CLVS1: variants seen among roughly 807,000 people sequenced by gnomAD.
CLVS1 encodes clavesin-1.
In CLVS1, 10 loss-of-function variants were observed where a neutral mutation model predicts 33.1. The ratio of observed to expected loss-of-function variants is 0.30; its 90% confidence interval spans 0.19 to 0.51. The LOEUF (loss-of-function observed/expected upper bound fraction) is 0.51. CLVS1 is among the 20% of genes least tolerant of loss of function. The pLI is 0.97. For missense variants in CLVS1, 343 were observed against 433.4 expected (o/e 0.79, Z 1.85); for synonymous variants, 163 against 166.1 (o/e 0.98, Z 0.14).
the CLVS1 span, among the ~76,000 whole-genome samples, chr8:61,031,565 C>T: frequency 5.9e-5 from 9 of 152,206 alleles, no homozygotes; most frequent in Non-Finnish European, 1.0e-4. Flanking sequence ...AGAAAAGCAT[C>T]GTTTTATTCC....
intron 2 of CLVS1, among the ~76,000 whole-genome samples, chr8:61,344,982 G>C (rs1412718204): frequency 6.6e-6 from 1 of 152,130 alleles, no homozygotes; most frequent in South Asian, 2.1e-4. Context: ...GTGACCTACT[G>C]TGTTACCAAA....
At chr8:61,366,895 A>G (rs944831461) in intron 2 of CLVS1, among the ~76,000 whole-genome samples, 4 of 152,174 alleles carry the variant, frequency 2.6e-5, no homozygotes, top group Non-Finnish European at 5.9e-5. Flanking sequence ...CAGCCCTGAT[A>G]TCAAGTAATG....
intron 2 of CLVS1, among the ~76,000 whole-genome samples, chr8:61,228,489 C>T (rs951553662): frequency 5.9e-5 from 9 of 152,164 alleles, no homozygotes; most frequent in African/African-American, 1.9e-4. Context: ...GCCTAGCTTA[C>T]CTTAAACATG....
At chr8:61,017,844 G>T in the CLVS1 span, among the ~76,000 whole-genome samples, 1 of 152,178 alleles carries the variant, frequency 6.6e-6, no homozygotes, top group African/African-American at 2.4e-5. Flanking sequence ...TTGATCACCT[G>T]GTTGAATGCC....
intron 3 of CLVS1, among the ~76,000 whole-genome samples, chr8:61,449,936 G>A (rs1241721691): frequency 6.6e-6 from 1 of 152,182 alleles, no homozygotes; most frequent in Admixed American, 6.5e-5. Flanking sequence ...TTTGCACAAG[G>A]AGGAAATTAA....
intron 5 of CLVS1, among the ~76,000 whole-genome samples, chr8:61,461,452 T>C (rs1049823601): frequency 5.9e-5 from 9 of 152,216 alleles, no homozygotes; most frequent in Admixed American, 6.5e-5. Context: ...CAAACTAGAT[T>C]GTGTTCAGAC....
At chr8:61,372,378 T>C (rs1813476538) in intron 2 of CLVS1, among the ~76,000 whole-genome samples, 1 of 152,192 alleles carries the variant, frequency 6.6e-6, no homozygotes, top group Admixed American at 6.5e-5. Flanking sequence ...TGGCAGATTA[T>C]AAACTCTAGA....
intron 2 of CLVS1, chr8:61,203,360 C>T (rs1182034576): frequency 1.9e-5 from 11 of 573,290 alleles, no homozygotes; most frequent in Non-Finnish European, 3.2e-5. Context: ...TGTCCAGGTT[C>T]TATTGCCAAG....
intron 3 of CLVS1, among the ~76,000 whole-genome samples, chr8:61,416,301 GCTAGATACATAC>G (rs1296809639): frequency 0.025 from 3,362 of 137,060 alleles, 91 homozygotes; most frequent in African/African-American, 0.09. Flanking sequence ...TAGCTAGCTA[GCTAGATACATAC>G]ATACATACAT....
At chr8:60,980,629 T>C in the CLVS1 span, among the ~76,000 whole-genome samples, 2 of 152,024 alleles carry the variant, frequency 1.3e-5, no homozygotes, top group Non-Finnish European at 2.9e-5. Context: ...CCACTAAAAA[T>C]ACAAAAATTA....
chr8:61,305,206 T>A (rs1810576906), intron 2 of CLVS1, among the ~76,000 whole-genome samples: 1 of 152,100 alleles, frequency 6.6e-6, no homozygotes. Context: ...TACTGTCTTT[T>A]GTAATAATTT....
At chr8:61,083,476 G>A (rs1404158548) in intron 1 of CLVS1, among the ~76,000 whole-genome samples, 1 of 152,128 alleles carries the variant, frequency 6.6e-6, no homozygotes, top group East Asian at 1.9e-4. Context: ...GGGGGTTTGG[G>A]AGCCAGAGGC....
intron 1 of CLVS1, among the ~76,000 whole-genome samples, chr8:61,065,269 T>C (rs550427856): frequency 1.6e-4 from 25 of 152,370 alleles, no homozygotes; most frequent in African/African-American, 5.8e-4. Flanking sequence ...AAATAGTTGT[T>C]ATATTGTATT....
At chr8:61,174,196 T>A (rs1476254059) in intron 2 of CLVS1, among the ~76,000 whole-genome samples, 2 of 152,150 alleles carry the variant, frequency 1.3e-5, no homozygotes, top group Non-Finnish European at 2.9e-5. Flanking sequence ...CTCCCCAAAA[T>A]TTCCAGGCAA....
intron 3 of CLVS1, among the ~76,000 whole-genome samples, chr8:61,410,367 T>A (rs888900103): frequency 1.3e-5 from 2 of 152,206 alleles, no homozygotes; most frequent in African/African-American, 4.8e-5. Flanking sequence ...TTGTGTCTAT[T>A]CATGTAGAGA....
intron 5 of CLVS1, among the ~76,000 whole-genome samples, chr8:61,484,967 G>C (rs1047302434): frequency 2.0e-5 from 3 of 152,136 alleles, no homozygotes; most frequent in African/African-American, 7.2e-5. Context: ...AGACTTAAAT[G>C]GTAGACCTAA....
At chr8:61,015,170 A>C in the CLVS1 span, among the ~76,000 whole-genome samples, 1 of 152,236 alleles carries the variant, frequency 6.6e-6, no homozygotes, top group Non-Finnish European at 1.5e-5. Context: ...CATAGTGACC[A>C]CTGGCTGCGC....
intron 2 of CLVS1, among the ~76,000 whole-genome samples, chr8:61,376,312 C>T (rs561894269): frequency 1.6e-4 from 24 of 152,242 alleles, no homozygotes; most frequent in Non-Finnish European, 2.5e-4. Context: ...CAACAAAATG[C>T]AATTGGGGCT....
chr8:61,103,825 CA>C (rs1016497069), intron 1 of CLVS1, among the ~76,000 whole-genome samples: 2 of 152,154 alleles, frequency 1.3e-5, no homozygotes, highest in Non-Finnish European at 2.9e-5. Context: ...GAACTTTAGG[CA>C]AGGGCTTGCT....
Sources: allele counts gnomAD v4.1 joint callset (sites outside exome capture counted in the v4.1 genomes callset), GRCh38; gene constraint gnomAD v4.1.1; transcripts MANE v1.5; gene names NCBI Gene and HGNC (gene_info 2026-07-23, HGNC 2026-07-21).